The following RHOBTB1 variants were observed in gnomAD, a reference collection of about 807,000 sequenced individuals.
RHOBTB1 encodes the protein rho-related BTB domain-containing protein 1.
A neutral mutation model predicts 71.6 loss-of-function variants in RHOBTB1; 40 were observed. That is an observed-to-expected ratio of 0.56 (90% CI 0.43 to 0.73). The LOEUF (loss-of-function observed/expected upper bound fraction) is 0.73. RHOBTB1 is among the 30% of genes least tolerant of loss of function. The pLI, the probability that RHOBTB1 is intolerant of heterozygous loss-of-function variation, is 0.00. For missense variants in RHOBTB1, 797 were observed against 894.0 expected (o/e 0.89, Z 1.38); for synonymous variants, 319 against 334.9 (o/e 0.95, Z 0.52).
chr10:60,944,666 C>T (rs1036498125), upstream of RHOBTB1, among the ~76,000 whole-genome samples: 1 of 152,190 alleles, frequency 6.6e-6, no homozygotes, highest in Non-Finnish European at 1.5e-5. Context: ...GGCAGCATGG[C>T]TTTCTTCCCC....
chr10:60,895,216 A>T (rs1165514301), intron 4 of RHOBTB1, among the ~76,000 whole-genome samples: 1 of 152,218 alleles, frequency 6.6e-6, no homozygotes, highest in Non-Finnish European at 1.5e-5. Context: ...ACCTCAAAAT[A>T]ATGATAGTTA....
At chr10:60,896,513 T>C (rs950395449) in intron 4 of RHOBTB1, among the ~76,000 whole-genome samples, 8 of 152,214 alleles carry the variant, frequency 5.3e-5, no homozygotes, top group African/African-American at 1.9e-4. Context: ...GTACATGAGA[T>C]TGTAAACTCC....
At chr10:60,898,680 C>T (rs188887456) in intron 4 of RHOBTB1, among the ~76,000 whole-genome samples, 22 of 152,268 alleles carry the variant, frequency 1.4e-4, no homozygotes, top group Non-Finnish European at 2.2e-4. Flanking sequence ...TTACCAATAG[C>T]GTGAGGCTTC....
At chr10:60,981,407 T>C (rs12415223) in intron 2 of RHOBTB1, among the ~76,000 whole-genome samples, 82,245 of 152,014 alleles carry the variant, frequency 0.54, 22,548 homozygotes, top group East Asian at 0.77. Context: ...GTTAAACAGA[T>C]GAAGAAACTG....
rs767153209 is a variant in RHOBTB1, at chr10:60,875,061, G to A, written c.1727-19C>T. On this transcript the variant is annotated intron_variant, in intron 8 of 10. Coordinates refer to ENST00000337910, the MANE Select transcript of RHOBTB1 (RefSeq NM_014836.5). ...TGCTGTTCTGGGGAAGAGAGAGGGG[G>A]CAGGAGAACATTAAACCACGCCCTG... 1.2e-6 allele frequency: 2 copies of A among 1,604,286 alleles called. No individual in the cohort carries two copies. Among genetic ancestry groups the A allele is most frequent in the South Asian group, 1.1e-5 (1 of 90,868 alleles).
intron 2 of RHOBTB1, among the ~76,000 whole-genome samples, chr10:60,915,922 G>C (rs1458658154): frequency 6.6e-6 from 1 of 152,060 alleles, no homozygotes; most frequent in Non-Finnish European, 1.5e-5. Flanking sequence ...CATTTTACTT[G>C]AGCCATCCAT....
At chr10:60,973,880 A>G (rs1337253286) in intron 2 of RHOBTB1, among the ~76,000 whole-genome samples, 1 of 152,048 alleles carries the variant, frequency 6.6e-6, no homozygotes, top group Non-Finnish European at 1.5e-5. Flanking sequence ...ATACAATTTT[A>G]TCTTTGACGA....
At position 60,892,971 on chromosome 10, in the gene RHOBTB1, A is replaced by G. The variant is rs529692040; in HGVS notation, c.321T>C (p.Phe107=). 99 of 1,613,876 alleles carry G rather than the reference A, an allele frequency of 6.1e-5. No homozygotes were observed. The Middle Eastern group carries it at 9.9e-4, about 16-fold the overall frequency. ...TTAGGGAATTGGGATTAGCAATCGA[A>G]AAACAGAGGACCACAACATCAGACC... ...YGRSDVVVLC[F]SIANPNSLNH... is the part of the protein sequence containing the mutation. Residue 107 remains phenylalanine (F), a synonymous_variant, in exon 5 of 11, where the codon TTT becomes TTC. Transcript: ENST00000337910.
intron 2 of RHOBTB1, among the ~76,000 whole-genome samples, chr10:60,931,271 C>T (rs767864173): frequency 1.0e-3 from 156 of 152,260 alleles, no homozygotes; most frequent in South Asian, 1.2e-3. Context: ...ACCATTCCTG[C>T]GATCTAATTC....
chr10:60,888,686 C>G lies in RHOBTB1; in HGVS notation c.982G>C (p.Asp328His), dbSNP rs775273962. The G allele has an allele frequency of 5.0e-6, 8 of 1,614,034 alleles. No homozygotes were observed. The South Asian group carries it at 7.7e-5, about 16-fold the overall frequency. The change falls in exon 6 of 11, where the codon GAC becomes CAC. Residue 328 changes from aspartate (D) to histidine (H), a missense_variant. Asp to His is a moderately conservative substitution (Grantham distance 81). Transcript: ENST00000337910. ...RDFQGRILSV[D>H]PEEEREEGPP... ...CCCTCCTCCCTTTCTTCCTCTGGGT[C>G]GACACTCAATATCCGCCCCTGGAAA...
At chr10:60,874,594 C>G (rs970616184) in intron 9 of RHOBTB1, among the ~76,000 whole-genome samples, 1 of 152,170 alleles carries the variant, frequency 6.6e-6, no homozygotes, top group African/African-American at 2.4e-5. Flanking sequence ...AGGGGAGGCA[C>G]TACGGGGCTT....
At chr10:60,866,619 C>A (rs997183677), downstream of RHOBTB1, among the ~76,000 whole-genome samples, 1 of 152,000 alleles carries the variant, frequency 6.6e-6, no homozygotes, top group Non-Finnish European at 1.5e-5. Flanking sequence ...GCAATGAAAA[C>A]GAATTGCTCC....
intron 4 of RHOBTB1, among the ~76,000 whole-genome samples, chr10:60,903,703 C>G (rs1363020073): frequency 6.6e-6 from 1 of 151,898 alleles, no homozygotes; most frequent in Non-Finnish European, 1.5e-5. Context: ...AGACTATGAG[C>G]CACTGAGGCA....
At chr10:60,947,216 A>G (rs981225290), upstream of RHOBTB1, among the ~76,000 whole-genome samples, 23 of 152,236 alleles carry the variant, frequency 1.5e-4, no homozygotes, top group Non-Finnish European at 3.2e-4. Context: ...ATTTTTGTAT[A>G]CTAAAATCAT....
At chr10:60,919,952 C>A (rs185607277) in intron 2 of RHOBTB1, among the ~76,000 whole-genome samples, 5 of 152,160 alleles carry the variant, frequency 3.3e-5, no homozygotes, top group African/African-American at 4.8e-5. Flanking sequence ...AAAAAATAAA[C>A]CAAAAATTTA....
intron 2 of RHOBTB1, among the ~76,000 whole-genome samples, chr10:60,979,866 T>C (rs1456473340): frequency 6.6e-6 from 1 of 152,088 alleles, no homozygotes; most frequent in Non-Finnish European, 1.5e-5. Context: ...GAGCAGGTCG[T>C]GGATGTGTGA....
At chr10:60,980,603 T>G (rs552976730) in intron 2 of RHOBTB1, among the ~76,000 whole-genome samples, 27 of 149,912 alleles carry the variant, frequency 1.8e-4, no homozygotes, top group African/African-American at 6.1e-4. Flanking sequence ...AACCCAGAGT[T>G]TGGATTAATT....
intron 5 of RHOBTB1, 136 bp from the exon 6 acceptor site, chr10:60,889,321 AC>A: frequency 2.6e-6 from 2 of 783,688 alleles, no homozygotes; most frequent in Admixed American, 3.3e-5. Context: ...AAAATCTGCC[AC>A]CACCTCAAGT....
chr10:60,892,968 C>T lies in RHOBTB1; in HGVS notation c.324G>A (p.Ser108=), dbSNP rs1057400182. The stretch of plus-strand genomic sequence containing the variant: ...GATTTAGGGAATTGGGATTAGCAAT[C>T]GAAAAACAGAGGACCACAACATCAG... ...GRSDVVVLCF[S]IANPNSLNHV... Residue 108 remains serine (S), a synonymous_variant, in exon 5 of 11, where the codon TCG becomes TCA. Transcript: ENST00000337910. 9 of 1,612,680 alleles carry T rather than the reference C, an allele frequency of 5.6e-6. No homozygotes were observed. The highest frequency in any genetic ancestry group is 1.3e-5 in the African/African-American group (1 of 74,798).
Sources: allele counts gnomAD v4.1 joint callset (sites outside exome capture counted in the v4.1 genomes callset), GRCh38; gene constraint gnomAD v4.1.1; transcripts MANE v1.5; gene names NCBI Gene and HGNC (gene_info 2026-07-23, HGNC 2026-07-21).